The following DEF6 variants were observed in gnomAD, a reference collection of about 807,000 sequenced individuals.
DEF6 encodes the protein differentially expressed in FDCP 6 homolog.
Under a neutral mutation model 80.5 loss-of-function variants are expected in DEF6, and 32 were observed. The observed-to-expected ratio is 0.40, with a 90% CI of 0.30 to 0.53. DEF6 has a LOEUF of 0.53. DEF6 is among the 20% of genes least tolerant of loss of function. The pLI is 0.57. For missense variants in DEF6, 575 were observed against 818.7 expected (o/e 0.70, Z 3.63); for synonymous variants, 300 against 337.9 (o/e 0.89, Z 1.23).
rs755844827 is a variant in DEF6, at chr6:35,321,362, G to A, written c.1848G>A (p.Pro616=). The change falls in exon 11 of 11, where the codon CCG becomes CCA. Residue 616 remains proline, a synonymous_variant. Transcript: ENST00000316637. ...SLNGGDEAPA[P]ASTPQEDKLD... ...ATGGTGGGGATGAGGCTCCTGCCCC[G>A]GCTTCCACCCCTCAGGAAGATAAAC... is the stretch of plus-strand genomic sequence containing the variant. 1.9e-5 allele frequency: 31 copies of A among 1,614,050 alleles called. No homozygotes were observed. The East Asian group carries it at 4.7e-4, about 24-fold the overall frequency.
chr6:35,301,213 A>G (rs1791308958), intron 1 of DEF6, among the ~76,000 whole-genome samples: 1 of 152,180 alleles, frequency 6.6e-6, no homozygotes, highest in Non-Finnish European at 1.5e-5. Flanking sequence ...GGAAAAGTTA[A>G]GAACAGCTCC....
rs1167131022 is a variant in DEF6 at position 35,297,889 on chromosome 6, C to T, written c.33C>T (p.Ile11=). MALRKELLKS[I]WYAFTALDVE... ...TGCGCAAGGAACTGCTCAAGTCCAT[C>T]TGGTACGCCTTTACCGCGCTGGACG... Residue 11 remains isoleucine, a synonymous_variant, in exon 1 of 11, where the codon ATC becomes ATT. Coordinates refer to ENST00000316637, the MANE Select transcript of DEF6 (RefSeq NM_022047.4). 1.9e-6 allele frequency: 3 copies of T among 1,607,588 alleles called. No homozygotes were observed. Among genetic ancestry groups the T allele is most frequent in the African/African-American group, 1.3e-5 (1 of 75,032 alleles).
At position 35,319,120 on chromosome 6, in the gene DEF6, A is replaced by G; in HGVS notation, c.1216-404A>G. Among the ~76,000 whole-genome samples, 1 of 152,066 alleles carries G rather than the reference A, an allele frequency of 6.6e-6. No homozygotes were observed. The highest frequency in any genetic ancestry group is 1.9e-4 in the East Asian group (1 of 5,190). The stretch of plus-strand genomic sequence containing the variant: ...TAGTGTCCAGTAACTTTTTGTTGTA[A>G]TAATTGTAGTTATAGTCACATCCTT... On this transcript the variant is annotated intron_variant, in intron 7 of 10. Coordinates refer to ENST00000316637, the MANE Select transcript of DEF6 (RefSeq NM_022047.4). The surrounding 1 kb of genome is among the most constrained non-coding windows in gnomAD (Gnocchi z 4.5).
At chr6:35,308,384 AAG>A (rs1791419841) in intron 1 of DEF6, among the ~76,000 whole-genome samples, 1 of 151,740 alleles carries the variant, frequency 6.6e-6, no homozygotes, top group African/African-American at 2.4e-5. Flanking sequence ...AAAAAAAAAA[AAG>A]TTTTGGCCGG....
chr6:35,314,981 T>G (rs1418925277), intron 5 of DEF6, among the ~76,000 whole-genome samples: 1 of 152,214 alleles, frequency 6.6e-6, no homozygotes. Context: ...TTCATTCATC[T>G]GCATGTGGTT....
In DEF6 at chr6:35,321,279, G is replaced by T. The variant is rs1791588540; in HGVS notation, c.1765G>T (p.Gly589Ter). The T allele has an allele frequency of 3.1e-6, 5 of 1,613,722 alleles. No homozygotes were observed. The highest frequency in any genetic ancestry group is 4.2e-6 in the Non-Finnish European group (5 of 1,179,986). ...DSSLKRLTRW[G>*]SQGNRTPSPN... ...CTCCCTAAAGCGCCTGACCCGCTGG[G>T]GATCCCAGGGCAACAGGACCCCCTC... The change falls in exon 11 of 11, where the codon GGA (glycine) becomes TGA (stop). Residue 589 changes from glycine to a stop codon, truncating the protein, a stop_gained. Coordinates refer to ENST00000316637, the MANE Select transcript of DEF6 (RefSeq NM_022047.4). LOFTEE classifies it high-confidence loss of function.
chr6:35,318,486 C>T lies in DEF6; in HGVS notation c.1215+15C>T. ...AGGCGGAGCAGGTGGGGTTAGCTCC[C>T]GGCGCCGGGGACGGGACCGGTGGGC... On this transcript the variant is annotated intron_variant, in intron 7 of 10. Coordinates refer to ENST00000316637, the MANE Select transcript of DEF6 (RefSeq NM_022047.4). The surrounding 1 kb of genome is among the most constrained non-coding windows in gnomAD (Gnocchi z 5.1). 2 of 1,381,892 alleles carry T rather than the reference C, an allele frequency of 1.4e-6. No homozygotes were observed. Among genetic ancestry groups the T allele is most frequent in the South Asian group, 1.6e-5 (1 of 60,710 alleles). 85.6% of individuals were successfully genotyped at this position (1,381,892 alleles called of 1,614,324 possible).
intron 3 of DEF6, among the ~76,000 whole-genome samples, chr6:35,311,181 T>G (rs943821484): frequency 6.6e-6 from 1 of 152,102 alleles, no homozygotes; most frequent in South Asian, 2.1e-4. Flanking sequence ...GGTCCCTATC[T>G]CCTTACTCCT....
At chr6:35,306,809 T>G (rs892687364) in intron 1 of DEF6, among the ~76,000 whole-genome samples, 1 of 152,230 alleles carries the variant, frequency 6.6e-6, no homozygotes, top group Non-Finnish European at 1.5e-5. Context: ...CCCACAACTT[T>G]TATTAAGCAG....
intron 9 of DEF6, among the ~76,000 whole-genome samples, chr6:35,320,532 C>T (rs1395878430): frequency 6.6e-6 from 1 of 152,146 alleles, no homozygotes; most frequent in Non-Finnish European, 1.5e-5. Context: ...GCTTAGAGCT[C>T]AAGTGTATCC....
In DEF6 at chr6:35,318,549, C is replaced by T; in HGVS notation, c.1215+78C>T. On this transcript the variant is annotated intron_variant, in intron 7 of 10. Coordinates refer to ENST00000316637, the MANE Select transcript of DEF6 (RefSeq NM_022047.4). The surrounding 1 kb of genome is among the most constrained non-coding windows in gnomAD (Gnocchi z 5.1). ...CAGGGGCGGAGCGCCGGGGGCGGGG[C>T]CTGGGCAGAGGGCGGAGCTCCTGGG... 6 of 1,312,128 alleles carry T rather than the reference C, an allele frequency of 4.6e-6. No individual in the cohort carries two copies. The highest frequency in any genetic ancestry group is 3.9e-6 in the Non-Finnish European group (4 of 1,027,852). 81.3% of individuals were successfully genotyped at this position (1,312,128 alleles called of 1,614,324 possible). A position where few individuals can be genotyped will look rare whatever the true frequency, so the allele number is the denominator to read the frequency against.
chr6:35,310,920 A>G (rs768775048), intron 3 of DEF6, among the ~76,000 whole-genome samples: 1 of 152,210 alleles, frequency 6.6e-6, no homozygotes, highest in Non-Finnish European at 1.5e-5. Flanking sequence ...TTCTGTTTAC[A>G]CAGAGGTCTA....
At position 35,319,889 on chromosome 6, in the gene DEF6, G is replaced by A. The variant is rs1445628529; in HGVS notation, c.1453G>A (p.Glu485Lys). 1.3e-6 allele frequency: 2 copies of A among 1,578,994 alleles called. No homozygotes were observed. The highest frequency in any genetic ancestry group is 1.3e-5 in the African/African-American group (1 of 74,270). ...GAAGGAGGAGCAGGAGCGCTACATC[G>A]AACGGGCGCAGCAGGAGAAGGAAGA... ...QLKEEQERYI[E>K]RAQQEKEELQ... Residue 485 changes from glutamate (E) to lysine (K), a missense_variant, in exon 9 of 11, where the codon GAA becomes AAA. Glu to Lys is a moderately conservative substitution (Grantham distance 56). Coordinates refer to ENST00000316637, the MANE Select transcript of DEF6 (RefSeq NM_022047.4). The surrounding 1 kb of genome is among the most constrained non-coding windows in gnomAD (Gnocchi z 4.5).
At position 35,321,186 on chromosome 6, in the gene DEF6, G is replaced by T; in HGVS notation, c.1673-1G>T. 6.2e-7 allele frequency: 1 copy of T among 1,611,912 alleles called. No homozygotes were observed. Among genetic ancestry groups the T allele is most frequent in the Non-Finnish European group, 8.5e-7 (1 of 1,179,786 alleles). On this transcript the variant is annotated splice_acceptor_variant, in intron 10 of 10. Transcript: ENST00000316637. LOFTEE classifies it high-confidence loss of function. ...TTACTTGCCTGCCTTCTCTCTGCCAGATAAGCGTCCGGTCACCAGCAGCTC... is the reference window on the plus strand; with the variant it reads ...TTACTTGCCTGCCTTCTCTCTGCCATATAAGCGTCCGGTCACCAGCAGCTC...
Position 35,321,367 on chromosome 6 carries a change from C to G in DEF6, c.1853C>G (p.Ser618Cys), listed in dbSNP as rs572527183. ...NGGDEAPAPASTPQEDKLDPA... is the reference protein window; with the variant it reads ...NGGDEAPAPACTPQEDKLDPA... Reference sequence around the variant, plus strand: ...GGGGATGAGGCTCCTGCCCCGGCTTCCACCCCTCAGGAAGATAAACTGGAT... The same window carrying G: ...GGGGATGAGGCTCCTGCCCCGGCTTGCACCCCTCAGGAAGATAAACTGGAT... Residue 618 changes from serine to cysteine, a missense_variant, in exon 11 of 11, where the codon TCC becomes TGC. Coordinates refer to ENST00000316637, the MANE Select transcript of DEF6 (RefSeq NM_022047.4). The G allele has an allele frequency of 6.2e-7, 1 of 1,614,116 alleles. No homozygotes were observed. The highest frequency in any genetic ancestry group is 8.5e-7 in the Non-Finnish European group (1 of 1,179,978).
intron 5 of DEF6, chr6:35,313,235 T>A (rs1791490372): frequency 2.7e-6 from 1 of 365,058 alleles, no homozygotes; most frequent in Non-Finnish European, 5.2e-6. Flanking sequence ...TTTACTATTT[T>A]AAATAATATG....
intron 3 of DEF6, among the ~76,000 whole-genome samples, chr6:35,311,577 G>T (rs1791467529): frequency 6.6e-6 from 1 of 152,206 alleles, no homozygotes; most frequent in Non-Finnish European, 1.5e-5. Flanking sequence ...CATACACTTG[G>T]CTGGCTGCCC....
Position 35,318,175 on chromosome 6 carries a change from A to G in DEF6, c.919A>G (p.Ile307Val). ...GACCCGCTCCCGCTCTTCGGCAGCC[A>G]TCCAGATGGCGATCCGGCTGCAGGC... The part of the protein sequence containing the change: ...TRQRQEWTAA[I>V]QMAIRLQAEG... Residue 307 changes from isoleucine (I) to valine (V), a missense_variant and splice_region_variant, in exon 7 of 11, where the codon ATC (isoleucine) becomes GTC (valine). Physicochemically the swap from Ile to Val is conservative, Grantham distance 29 (BLOSUM62 3). Coordinates refer to ENST00000316637, the MANE Select transcript of DEF6 (RefSeq NM_022047.4). The surrounding 1 kb of genome is among the most constrained non-coding windows in gnomAD (Gnocchi z 5.1). The G allele has an allele frequency of 6.4e-7, 1 of 1,558,656 alleles. No homozygotes were observed. Among genetic ancestry groups the G allele is most frequent in the Non-Finnish European group, 8.7e-7 (1 of 1,154,208 alleles).
intron 1 of DEF6, 44 bp downstream of exon 1, chr6:35,297,996 C>A: frequency 6.7e-7 from 1 of 1,498,576 alleles, no homozygotes; most frequent in Non-Finnish European, 9.1e-7. Flanking sequence ...AGATGCACCA[C>A]ACCAGCCCCT....
Sources: gnomAD v4.1 joint callset for allele counts (sites outside exome capture counted in the v4.1 genomes callset) on GRCh38, gnomAD v4.1.1 for gene constraint, Gnocchi (gnomAD v3.1) non-coding constraint, MANE v1.5 for transcripts, NCBI Gene and HGNC (gene_info 2026-07-23, HGNC 2026-07-21) for gene names.